LYPLAL1: variants seen among roughly 807,000 people sequenced by gnomAD.
LYPLAL1 encodes the protein lysophospholipase like 1.
Under a neutral mutation model 19.7 loss-of-function variants are expected in LYPLAL1, and 23 were observed. The ratio of observed to expected loss-of-function variants is 1.17; its 90% confidence interval spans 0.84 to 1.65. The LOEUF is 1.65. Among genes scored for constraint, LYPLAL1 ranks in the 40% most tolerant of loss-of-function variants. The pLI, the probability that LYPLAL1 is intolerant of heterozygous loss-of-function variation, is 0.00. For synonymous variants in LYPLAL1, 119 were observed against 96.3 expected, an observed-to-expected ratio of 1.24 and a Z score of -1.38; for missense variants, 355 against 279.4, an observed-to-expected ratio of 1.27 and a Z score of -1.93.
chr1:219,375,237 C>A, the LYPLAL1 span, among the ~76,000 whole-genome samples: 2 of 152,102 alleles, frequency 1.3e-5, no homozygotes, highest in African/African-American at 4.8e-5. Flanking sequence ...GAGGCCAAGG[C>A]AGGCAGATCA....
the LYPLAL1 span, among the ~76,000 whole-genome samples, chr1:219,381,387 T>C: frequency 6.6e-6 from 1 of 152,188 alleles, no homozygotes. Flanking sequence ...ATTAGCAACA[T>C]GAGAATGGAC....
At chr1:219,392,494 T>G in the LYPLAL1 span, among the ~76,000 whole-genome samples, 28 of 152,202 alleles carry the variant, frequency 1.8e-4, no homozygotes, top group Admixed American at 1.6e-3. Context: ...AAGGGAATCT[T>G]GGAGCTGTAA....
chr1:219,289,719 G>A, the LYPLAL1 span, among the ~76,000 whole-genome samples: 41,350 of 152,004 alleles, frequency 0.27, 7,261 homozygotes, highest in Non-Finnish European at 0.4. Context: ...ACTTTCAAGC[G>A]TATTGTTTTA....
the LYPLAL1 span, among the ~76,000 whole-genome samples, chr1:219,325,078 C>T: frequency 1.4e-4 from 21 of 152,102 alleles, no homozygotes; most frequent in African/African-American, 4.3e-4. Flanking sequence ...AACATATGGG[C>T]CAAATTAGAA....
At chr1:219,443,784 A>G in the LYPLAL1 span, among the ~76,000 whole-genome samples, 1 of 152,238 alleles carries the variant, frequency 6.6e-6, no homozygotes, top group East Asian at 1.9e-4. Context: ...CACTTAAGAA[A>G]GGTTAACAAA....
chr1:219,246,967 CT>C, the LYPLAL1 span, among the ~76,000 whole-genome samples: 1 of 152,180 alleles, frequency 6.6e-6, no homozygotes, highest in Non-Finnish European at 1.5e-5. Context: ...AGTTAAACTG[CT>C]GGCCCATTAT....
the LYPLAL1 span, among the ~76,000 whole-genome samples, chr1:219,371,919 T>C: frequency 7.9e-5 from 12 of 152,328 alleles, no homozygotes; most frequent in African/African-American, 2.9e-4. Flanking sequence ...AATAATAATT[T>C]CAATGTACTC....
the LYPLAL1 span, among the ~76,000 whole-genome samples, chr1:219,342,247 G>T: frequency 6.6e-6 from 1 of 152,186 alleles, no homozygotes; most frequent in East Asian, 1.9e-4. Flanking sequence ...GACTGACTTT[G>T]TTCTGGGTTA....
chr1:219,365,885 G>A, the LYPLAL1 span, among the ~76,000 whole-genome samples: 2 of 152,118 alleles, frequency 1.3e-5, no homozygotes, highest in South Asian at 4.1e-4. Flanking sequence ...TAAACTTTCA[G>A]CCAACATGAC....
the LYPLAL1 span, among the ~76,000 whole-genome samples, chr1:219,419,438 C>T: frequency 6.6e-6 from 1 of 151,916 alleles, no homozygotes; most frequent in Non-Finnish European, 1.5e-5. Flanking sequence ...CTTGATACCT[C>T]CTCTTCCTGA....
At chr1:219,406,257 G>C in the LYPLAL1 span, among the ~76,000 whole-genome samples, 2 of 152,164 alleles carry the variant, frequency 1.3e-5, no homozygotes, top group Non-Finnish European at 2.9e-5. Context: ...GTGACAGTTT[G>C]CCTCTTATTC....
the LYPLAL1 span, among the ~76,000 whole-genome samples, chr1:219,250,545 T>C: frequency 1.3e-5 from 2 of 151,854 alleles, no homozygotes; most frequent in Non-Finnish European, 2.9e-5. Context: ...ATTGTACATA[T>C]TATTTCATCA....
At chr1:219,443,252 G>A in the LYPLAL1 span, among the ~76,000 whole-genome samples, 1 of 152,208 alleles carries the variant, frequency 6.6e-6, no homozygotes, top group Admixed American at 6.5e-5. Flanking sequence ...TATTTATTGA[G>A]GGTTTTATTA....
At chr1:219,407,913 A>G in the LYPLAL1 span, among the ~76,000 whole-genome samples, 1 of 152,176 alleles carries the variant, frequency 6.6e-6, no homozygotes, top group Non-Finnish European at 1.5e-5. Flanking sequence ...AAACAGGATG[A>G]GAGAGCTCTC....
chr1:219,277,694 T>G, the LYPLAL1 span, among the ~76,000 whole-genome samples: 20,589 of 152,182 alleles, frequency 0.14, 1,459 homozygotes, highest in East Asian at 0.24. Context: ...TGTTCAGATA[T>G]CTGCTCATCT....
chr1:219,355,830 T>G, the LYPLAL1 span, among the ~76,000 whole-genome samples: 25 of 151,980 alleles, frequency 1.6e-4, no homozygotes, highest in Middle Eastern at 3.4e-3. Flanking sequence ...AAAAAAAACC[T>G]TAGATATTTG....
the LYPLAL1 span, among the ~76,000 whole-genome samples, chr1:219,266,296 T>C: frequency 6.6e-6 from 1 of 152,184 alleles, no homozygotes; most frequent in Non-Finnish European, 1.5e-5. Context: ...TTTCAAACTC[T>C]TTTGTTAAAA....
the LYPLAL1 span, among the ~76,000 whole-genome samples, chr1:219,308,189 T>C: frequency 9.2e-5 from 14 of 152,232 alleles, no homozygotes; most frequent in Admixed American, 8.5e-4. Flanking sequence ...ACTTTGAACT[T>C]GAGAGAGATG....
chr1:219,272,679 A>C, the LYPLAL1 span: 11 of 151,988 alleles, frequency 7.2e-5, no homozygotes, highest in Admixed American at 7.2e-4. Context: ...TGAGGCAGGC[A>C]AATTGCTTAA....
Sources: allele counts gnomAD v4.1 joint callset (sites outside exome capture counted in the v4.1 genomes callset), GRCh38; gene constraint gnomAD v4.1.1; transcripts MANE v1.5; gene names NCBI Gene and HGNC (gene_info 2026-07-23, HGNC 2026-07-21).